The following MALRD1 variants were observed in gnomAD, a reference collection of about 807,000 sequenced individuals.
The protein encoded by MALRD1 is MAM and LDL receptor class A domain containing 1.
In MALRD1, 247 loss-of-function variants were observed where a neutral mutation model predicts 242.1. The ratio of observed to expected loss-of-function variants is 1.02; its 90% CI spans 0.92 to 1.13. The LOEUF is 1.13. MALRD1 is among the 50% of genes most tolerant of loss of function. The pLI is 0.00. For missense variants in MALRD1, 2,989 were observed against 2,533.1 expected, an observed-to-expected ratio of 1.18 and a Z score of -3.86; for synonymous variants, 995 against 866.6, an observed-to-expected ratio of 1.15 and a Z score of -2.60.
chr10:19,241,930 A>T (rs1171313913), intron 18 of MALRD1, among the ~76,000 whole-genome samples: 1 of 152,066 alleles, frequency 6.6e-6, no homozygotes, highest in Admixed American at 6.6e-5. Context: ...ACTTCATATG[A>T]TATCTGTCTT....
chr10:19,505,944 G>A (rs1833116130), intron 31 of MALRD1, among the ~76,000 whole-genome samples: 1 of 152,162 alleles, frequency 6.6e-6, no homozygotes, highest in African/African-American at 2.4e-5. Context: ...GAATCATCTA[G>A]GGACTTAATA....
intron 28 of MALRD1, among the ~76,000 whole-genome samples, chr10:19,414,029 A>G (rs1358942279): frequency 6.6e-6 from 1 of 151,796 alleles, no homozygotes; most frequent in East Asian, 1.9e-4. Flanking sequence ...CTTCCTTCTA[A>G]GATCAGTTTC....
At chr10:19,465,194 C>G (rs781390681) in intron 29 of MALRD1, among the ~76,000 whole-genome samples, 1 of 151,958 alleles carries the variant, frequency 6.6e-6, no homozygotes, top group Non-Finnish European at 1.5e-5. Context: ...ATTTAAATGC[C>G]CTTTATTTCT....
At chr10:19,233,155 C>T (rs1233660533) in intron 18 of MALRD1, among the ~76,000 whole-genome samples, 4 of 151,988 alleles carry the variant, frequency 2.6e-5, no homozygotes, top group South Asian at 4.1e-4. Flanking sequence ...GAAATAATCA[C>T]GTCATGAGGA....
At chr10:19,270,321 C>CTT (rs1840156821) in intron 19 of MALRD1, among the ~76,000 whole-genome samples, 1 of 97,246 alleles carries the variant, frequency 1.0e-5, no homozygotes, top group African/African-American at 6.1e-5. Context: ...TCTCTCTTCT[C>CTT]TCTCTCTCTC....
intron 36 of MALRD1, among the ~76,000 whole-genome samples, chr10:19,677,980 G>A (rs1439212167): frequency 6.6e-6 from 1 of 152,122 alleles, no homozygotes. Flanking sequence ...ATTGGTTGTA[G>A]ATCTGTGGTC....
chr10:19,374,036 A>G (rs531071499), intron 26 of MALRD1, among the ~76,000 whole-genome samples: 2 of 152,306 alleles, frequency 1.3e-5, no homozygotes, highest in African/African-American at 4.8e-5. Flanking sequence ...TTAAGCGGCT[A>G]TTTGTGAGGG....
At chr10:19,562,328 GA>G (rs1836011455) in intron 32 of MALRD1, among the ~76,000 whole-genome samples, 1 of 147,874 alleles carries the variant, frequency 6.8e-6, no homozygotes, top group Non-Finnish European at 1.5e-5. Flanking sequence ...TAGATAGATA[GA>G]TAGATAGATA....
intron 36 of MALRD1, among the ~76,000 whole-genome samples, chr10:19,659,061 A>G (rs1313791488): frequency 4.6e-5 from 7 of 152,132 alleles, no homozygotes; most frequent in Admixed American, 2.6e-4. Context: ...GTATTTTCCT[A>G]CTTTTTGCTC....
At chr10:19,135,296 A>C (rs1301013932) in intron 9 of MALRD1, among the ~76,000 whole-genome samples, 1 of 152,126 alleles carries the variant, frequency 6.6e-6, no homozygotes, top group Non-Finnish European at 1.5e-5. Context: ...CTGGGACTAC[A>C]GGCATGTGCC....
intron 34 of MALRD1, among the ~76,000 whole-genome samples, chr10:19,602,196 CTTTTT>C (rs35846232): frequency 8.8e-6 from 1 of 113,274 alleles, no homozygotes; most frequent in Non-Finnish European, 1.8e-5. Context: ...GTAGCATAGT[CTTTTT>C]TTTTTTTTTT....
In MALRD1 at chr10:19,108,387, CTTTTTTTTTTTTTTTTTTTTT is replaced by C. The variant is rs35948766; in HGVS notation, c.694+4330_694+4350del. On this transcript the variant is annotated intron_variant, in intron 5 of 39. Transcript: ENST00000454679. Reference sequence around the variant, plus strand: ...TTATTGAGCTCATGAATTGTTTTTTCTTTTTTTTTTTTTTTTTTTTTTTTTTTTTTTTTTTTTTAAGACGGA... The same window carrying C: ...TTATTGAGCTCATGAATTGTTTTTTCTTTTTTTTTTTTTTTTTAAGACGGA... 1.7e-3 allele frequency among the ~76,000 whole-genome samples: 33 copies of C among 19,764 alleles called. 9 individuals carry two copies. The highest frequency in any genetic ancestry group is 3.4e-3 in the Admixed American group (5 of 1,480). 13.0% of individuals were successfully genotyped at this position (19,764 alleles called of 152,430 possible).
At chr10:19,468,398 AC>A (rs1836330972) in intron 29 of MALRD1, among the ~76,000 whole-genome samples, 1 of 152,188 alleles carries the variant, frequency 6.6e-6, no homozygotes, top group Non-Finnish European at 1.5e-5. Context: ...TAGAAAGAAA[AC>A]AAAAAAGAAA....
chr10:19,066,201 GAA>G (rs1179008981), intron 1 of MALRD1, among the ~76,000 whole-genome samples: 1 of 152,030 alleles, frequency 6.6e-6, no homozygotes, highest in Non-Finnish European at 1.5e-5. Flanking sequence ...GCAATAACAA[GAA>G]AAAATCTTTA....
At chr10:19,243,623 T>C (rs893982603) in intron 18 of MALRD1, among the ~76,000 whole-genome samples, 2 of 152,176 alleles carry the variant, frequency 1.3e-5, no homozygotes, top group African/African-American at 2.4e-5. Flanking sequence ...AACCTTTGAA[T>C]ATTTTCAAGC....
chr10:19,310,291 C>T (rs921941534), intron 21 of MALRD1, among the ~76,000 whole-genome samples: 7 of 151,384 alleles, frequency 4.6e-5, no homozygotes, highest in African/African-American at 1.2e-4. Context: ...GCACGGGAGC[C>T]GCTTCATTGT....
chr10:19,585,482 T>A (rs1837343996), intron 33 of MALRD1, among the ~76,000 whole-genome samples: 1 of 152,164 alleles, frequency 6.6e-6, no homozygotes, highest in Admixed American at 6.5e-5. Flanking sequence ...CCTTCATTTA[T>A]GAAGCTTAGT....
chr10:19,320,143 A>T (rs528332069), intron 21 of MALRD1, among the ~76,000 whole-genome samples: 7 of 136,218 alleles, frequency 5.1e-5, no homozygotes, highest in Non-Finnish European at 9.1e-5. Flanking sequence ...CATGGTGGTT[A>T]GCTGCACCTA....
At chr10:19,295,917 T>C (rs977478898) in intron 21 of MALRD1, among the ~76,000 whole-genome samples, 6 of 152,168 alleles carry the variant, frequency 3.9e-5, no homozygotes, top group African/African-American at 1.4e-4. Flanking sequence ...TCCCAGGTGA[T>C]GCTGATGCTA....
Sources: allele counts gnomAD v4.1 joint callset (sites outside exome capture counted in the v4.1 genomes callset), GRCh38; gene constraint gnomAD v4.1.1; transcripts MANE v1.5; gene names NCBI Gene and HGNC (gene_info 2026-07-23, HGNC 2026-07-21).